Variants in ATRN observed in about 807,000 individuals in gnomAD.
ATRN encodes attractin, also known as attractin-2.
Under a neutral mutation model 178.7 loss-of-function variants are expected in ATRN, and 54 were observed. The ratio of observed to expected loss-of-function variants is 0.30; its 90% confidence interval spans 0.24 to 0.38. The LOEUF is 0.38. ATRN is among the 10% of genes least tolerant of loss of function. ATRN has a pLI of 1.00. For synonymous variants in ATRN, 636 were observed against 663.0 expected (o/e 0.96, Z 0.63); for missense variants, 1,443 against 1,815.1 (o/e 0.79, Z 3.73).
At chr20:3,490,423 C>T in intron 1 of ATRN, 1 of 925,254 alleles carries the variant, frequency 1.1e-6, no homozygotes, top group Non-Finnish European at 1.8e-6. Flanking sequence ...AGGCTTTACT[C>T]TATCTGTGTA....
At chr20:3,508,208 A>T (rs1004177489) in intron 1 of ATRN, among the ~76,000 whole-genome samples, 3 of 141,974 alleles carry the variant, frequency 2.1e-5, no homozygotes, top group Non-Finnish European at 3.1e-5. Context: ...TTTTCTTATT[A>T]AAAAAAAAAA....
At chr20:3,475,090 A>T (rs572395495) in intron 1 of ATRN, among the ~76,000 whole-genome samples, 1 of 152,088 alleles carries the variant, frequency 6.6e-6, no homozygotes, top group Non-Finnish European at 1.5e-5. Flanking sequence ...CAAGAGTGAA[A>T]TGTTGGTTTT....
At chr20:3,609,265 C>T (rs1227019164) in intron 24 of ATRN, among the ~76,000 whole-genome samples, 6 of 151,874 alleles carry the variant, frequency 4.0e-5, no homozygotes, top group Admixed American at 1.3e-4. Context: ...TTTATTCCTA[C>T]GGTTGTTTTT....
At chr20:3,591,808 C>A (rs117882745) in intron 19 of ATRN, among the ~76,000 whole-genome samples, 1 of 152,200 alleles carries the variant, frequency 6.6e-6, no homozygotes, top group Non-Finnish European at 1.5e-5. Context: ...CCTCCTCCCC[C>A]CATCAGGAGG....
At chr20:3,609,710 A>ATGTGTGTGTG (rs1258394170) in intron 24 of ATRN, among the ~76,000 whole-genome samples, 8 of 117,292 alleles carry the variant, frequency 6.8e-5, no homozygotes, top group Non-Finnish European at 1.2e-4. Flanking sequence ...TGTGGTATGT[A>ATGTGTGTGTG]TGTATGTGTG....
Position 3,471,176 on chromosome 20 carries a change from G to T in ATRN, c.69G>T (p.Ala23=). ...GGACGGCGGCGACGGCAGCGCTCGC[G>T]GGCAGGAGCGGCGGGCCGCACTGGG... ...RRRTAATAAL[A]GRSGGPHWDW... Residue 23 remains alanine (A), a synonymous_variant, in exon 1 of 29, where the codon GCG becomes GCT. Coordinates refer to ENST00000262919, the MANE Select transcript of ATRN (RefSeq NM_139321.3). The T allele has an allele frequency of 1.3e-6, 2 of 1,503,318 alleles. No homozygotes were observed. Among genetic ancestry groups the T allele is most frequent in the Non-Finnish European group, 1.8e-6 (2 of 1,133,014 alleles). The allele number at this position is 1,503,318 out of a possible 1,614,324, so 93.1% of individuals were successfully genotyped here. A position where few individuals can be genotyped will look rare whatever the true frequency, so the allele number is the denominator to read the frequency against.
At chr20:3,583,731 C>T (rs536964127) in intron 16 of ATRN, among the ~76,000 whole-genome samples, 167 bp from the exon 17 acceptor site, 46 of 151,946 alleles carry the variant, frequency 3.0e-4, no homozygotes, top group Non-Finnish European at 4.9e-4. Context: ...TCACTTGAAC[C>T]GGGGAGGCGG....
At chr20:3,501,690 T>A (rs1240458331) in intron 1 of ATRN, among the ~76,000 whole-genome samples, 1 of 152,154 alleles carries the variant, frequency 6.6e-6, no homozygotes, top group Non-Finnish European at 1.5e-5. Context: ...GGAGAGAAGG[T>A]AAACTCAGGG....
At chr20:3,544,453 A>G (rs1172960048) in intron 3 of ATRN, among the ~76,000 whole-genome samples, 3 of 152,140 alleles carry the variant, frequency 2.0e-5, no homozygotes, top group African/African-American at 4.8e-5. Context: ...TGTGTCTGGG[A>G]CAGATTGCGT....
At position 3,524,801 on chromosome 20, in the gene ATRN, T is replaced by A. The variant is rs375928599; in HGVS notation, c.411-10452T>A. Among the ~76,000 whole-genome samples, 4 of 152,350 alleles carry A rather than the reference T, an allele frequency of 2.6e-5. No individual in the cohort carries two copies. The East Asian group carries it at 5.8e-4, about 22-fold the overall frequency. Reference sequence around the variant, plus strand: ...GGAAACTGAACAACCTTCTCCTGAATGACTACTGGGTAAATAACGAAATTA... The same window carrying A: ...GGAAACTGAACAACCTTCTCCTGAAAGACTACTGGGTAAATAACGAAATTA... On this transcript the variant is annotated intron_variant, in intron 1 of 28. Coordinates refer to ENST00000262919, the MANE Select transcript of ATRN (RefSeq NM_139321.3).
At chr20:3,479,605 G>C (rs1448866025) in intron 1 of ATRN, among the ~76,000 whole-genome samples, 1 of 152,092 alleles carries the variant, frequency 6.6e-6, no homozygotes, top group African/African-American at 2.4e-5. Context: ...AATTTCCAAG[G>C]GCTGTTACAG....
chr20:3,506,298 A>G lies in ATRN; in HGVS notation c.411-28955A>G, dbSNP rs74273203. On this transcript the variant is annotated intron_variant, in intron 1 of 28. Transcript: ENST00000262919. ...CAATTAAAATTTCAGTTATTTAAGAAACAGACTCAAGGAGACTAAGAAGAC... is the reference window on the plus strand; with the variant it reads ...CAATTAAAATTTCAGTTATTTAAGAGACAGACTCAAGGAGACTAAGAAGAC... Among the ~76,000 whole-genome samples the G allele has an allele frequency of 4.6e-4, 70 of 152,288 alleles. 1 individual carries two copies. In the East Asian group the frequency reaches 0.013, roughly 29 times the overall value.
chr20:3,631,673 G>C (rs1415671947), intron 25 of ATRN, among the ~76,000 whole-genome samples: 1 of 152,144 alleles, frequency 6.6e-6, no homozygotes, highest in Admixed American at 6.5e-5. Context: ...AGGCATAGAG[G>C]GAAGCAGGCA....
intron 26 of ATRN, among the ~76,000 whole-genome samples, chr20:3,637,597 G>T (rs1359151931): frequency 6.6e-6 from 1 of 152,042 alleles, no homozygotes; most frequent in Admixed American, 6.5e-5. Context: ...GTATCCCAAG[G>T]CATAACCTCA....
intron 25 of ATRN, among the ~76,000 whole-genome samples, chr20:3,625,849 C>G (rs1352145242): frequency 6.6e-6 from 1 of 152,130 alleles, no homozygotes; most frequent in Non-Finnish European, 1.5e-5. Flanking sequence ...GGAGCACATT[C>G]TCTAGATTTA....
chr20:3,643,264 G>A (rs145429621), intron 27 of ATRN, among the ~76,000 whole-genome samples: 602 of 152,332 alleles, frequency 4.0e-3, no homozygotes, highest in Non-Finnish European at 6.0e-3. Context: ...GAACAGACCT[G>A]TCTCTCTCGG....
intron 1 of ATRN, among the ~76,000 whole-genome samples, chr20:3,473,031 A>G (rs548374584): frequency 6.6e-6 from 1 of 152,208 alleles, no homozygotes; most frequent in East Asian, 1.9e-4. Flanking sequence ...TTACTTCAGG[A>G]CCACTGATGC....
chr20:3,571,552 T>C (rs235561), intron 11 of ATRN, among the ~76,000 whole-genome samples: 112,368 of 149,468 alleles, frequency 0.75, 42,699 homozygotes, highest in East Asian at 1. Context: ...ATATTGTCAA[T>C]TTTTTGTGCT....
intron 24 of ATRN, among the ~76,000 whole-genome samples, chr20:3,607,110 CTT>C (rs1440673544): frequency 2.6e-5 from 4 of 151,702 alleles, no homozygotes; most frequent in Admixed American, 2.6e-4. Context: ...TTTAATTTTA[CTT>C]TTTAAATTGA....
Sources: gnomAD v4.1 joint callset for allele counts (sites outside exome capture counted in the v4.1 genomes callset) on GRCh38, gnomAD v4.1.1 for gene constraint, MANE v1.5 for transcripts, NCBI Gene and HGNC (gene_info 2026-07-23, HGNC 2026-07-21) for gene names.